Variants in SPATA3 observed in about 807,000 individuals in gnomAD.
SPATA3 encodes the protein spermatogenesis-associated protein 3.
Under a neutral mutation model 5.7 loss-of-function variants are expected in SPATA3, and 6 were observed. The ratio of observed to expected loss-of-function variants is 1.06; its 90% CI spans 0.58 to 2.09. The LOEUF (loss-of-function observed/expected upper bound fraction) is 2.09, where lower values mean the gene tolerates loss of function less well. Ranked by LOEUF, SPATA3 falls within the 30% of genes most tolerant of loss-of-function variation. The pLI is 0.00. For missense variants in SPATA3, 155 were observed against 130.4 expected (o/e 1.19, Z -0.92); for synonymous variants, 44 against 48.4 (o/e 0.91, Z 0.37).
rs148301790 is a variant in SPATA3 at position 231,000,979 on chromosome 2, G to A, written c.962+442G>A. ...GGTTCCTGATCTGCCTACGAATGTC[G>A]CCCAGAATTTAATGATAAAAAACTA... On this transcript the variant is annotated intron_variant, in intron 2 of 2. Transcript: ENST00000645363. Among the ~76,000 whole-genome samples, 123 of 152,258 alleles carry A rather than the reference G, an allele frequency of 8.1e-4. 1 individual carries two copies. In the East Asian group the frequency reaches 0.015, roughly 19 times the overall value.
At chr2:231,003,024 C>T (rs1210721495), downstream of SPATA3, among the ~76,000 whole-genome samples, 1 of 152,128 alleles carries the variant, frequency 6.6e-6, no homozygotes, top group East Asian at 1.9e-4. Context: ...GAGCCCCCAC[C>T]TCCTCTGCCC....
At chr2:231,004,895 A>C (rs961195086), downstream of SPATA3, among the ~76,000 whole-genome samples, 1 of 152,198 alleles carries the variant, frequency 6.6e-6, no homozygotes, top group Admixed American at 6.5e-5. Flanking sequence ...GCACAGGATA[A>C]GCACTCAACA....
chr2:231,006,018 GAA>G, downstream of SPATA3, among the ~76,000 whole-genome samples: 1 of 146,814 alleles, frequency 6.8e-6, no homozygotes, highest in African/African-American at 2.5e-5. Flanking sequence ...AAAAAAAAGA[GAA>G]AGAAGAAGAA....
chr2:231,013,432 A>T (rs1480768538), intron 5 of SPATA3, among the ~76,000 whole-genome samples: 1 of 152,096 alleles, frequency 6.6e-6, no homozygotes, highest in African/African-American at 2.4e-5. Context: ...TGAATATGCC[A>T]TAGCGTGTTT....
downstream of SPATA3, among the ~76,000 whole-genome samples, chr2:231,005,550 C>T (rs1277304185): frequency 7.2e-5 from 6 of 82,966 alleles, no homozygotes; most frequent in Admixed American, 1.2e-4. Flanking sequence ...ACCATCATCA[C>T]CACCACCATC....
intron 6 of SPATA3, among the ~76,000 whole-genome samples, chr2:231,019,254 C>A (rs1250803374): frequency 6.6e-6 from 1 of 151,576 alleles, no homozygotes; most frequent in Non-Finnish European, 1.5e-5. Flanking sequence ...CAGGAGTGAG[C>A]CACCGTGCCA....
intron 6 of SPATA3, among the ~76,000 whole-genome samples, chr2:231,018,901 G>A (rs962695312): frequency 7.9e-5 from 12 of 151,320 alleles, no homozygotes; most frequent in Admixed American, 1.3e-4. Context: ...GGCCGGGCTG[G>A]TCTTGAATTC....
chr2:231,005,136 C>A (rs111209794), downstream of SPATA3, among the ~76,000 whole-genome samples: 2 of 39,026 alleles, frequency 5.1e-5, no homozygotes, highest in Non-Finnish European at 1.1e-4. Context: ...ATCATCATCA[C>A]CACCACCACC....
downstream of SPATA3, among the ~76,000 whole-genome samples, chr2:231,005,497 C>A (rs1294470776): frequency 7.1e-6 from 1 of 141,140 alleles, no homozygotes. Context: ...CCATCACCAC[C>A]ATCATCACCA....
chr2:231,000,333 G>C, intron 1 of SPATA3, 33 bp from the exon 2 acceptor site: 2 of 1,423,946 alleles, frequency 1.4e-6, no homozygotes. Context: ...CAGGGCAGGT[G>C]CCTCCCTCAC....
chr2:231,000,694 G>A (rs576424475), intron 2 of SPATA3, among the ~76,000 whole-genome samples, 157 bp downstream of exon 2: 13 of 152,318 alleles, frequency 8.5e-5, no homozygotes, highest in East Asian at 7.7e-4. Flanking sequence ...CTTCCTGGAC[G>A]TTGGCAGGCA....
downstream of SPATA3, among the ~76,000 whole-genome samples, chr2:231,005,316 T>C (rs1205234094): frequency 5.8e-3 from 41 of 7,014 alleles, no homozygotes; most frequent in East Asian, 0.016. Context: ...ATCACCACCA[T>C]CATCATCACC....
chr2:230,999,404 T>G (rs186948191), intron 1 of SPATA3, among the ~76,000 whole-genome samples: 1 of 152,126 alleles, frequency 6.6e-6, no homozygotes, highest in Non-Finnish European at 1.5e-5. Context: ...ATTTAAAAAC[T>G]TTTTTGTAAT....
downstream of SPATA3, among the ~76,000 whole-genome samples, chr2:231,007,043 AGAAG>A (rs1392952788): frequency 6.6e-6 from 1 of 152,184 alleles, no homozygotes; most frequent in Admixed American, 6.5e-5. Context: ...TGTGGCTGAA[AGAAG>A]GAGTGGGTGC....
rs547911643 is a variant in SPATA3 at position 231,019,522 on chromosome 2, C to T, written c.*566-198C>T. 6.2e-4 allele frequency among the ~76,000 whole-genome samples: 93 copies of T among 150,444 alleles called. 2 individuals carry two copies. Among genetic ancestry groups the T allele is most frequent in the Admixed American group, 1.3e-3 (20 of 15,104 alleles). On this transcript the variant is annotated intron_variant, in intron 6 of 8. Coordinates refer to the SPATA3 transcript ENST00000452881. Reference sequence around the variant, plus strand: ...TGTATTTTTAGTAGAGATGGGGTTTCACCGTGTTAGCCGGGATGGTCTCGA... The same window carrying T: ...TGTATTTTTAGTAGAGATGGGGTTTTACCGTGTTAGCCGGGATGGTCTCGA...
downstream of SPATA3, among the ~76,000 whole-genome samples, chr2:231,005,334 C>CCAT (rs1692551480): frequency 3.6e-5 from 2 of 55,314 alleles, no homozygotes; most frequent in African/African-American, 1.3e-4. Context: ...ACCATCATCA[C>CCAT]CATCACCATC....
chr2:230,998,407 G>A (rs1692212318), intron 1 of SPATA3, among the ~76,000 whole-genome samples: 1 of 152,168 alleles, frequency 6.6e-6, no homozygotes, highest in African/African-American at 2.4e-5. Context: ...CTTCAGTACT[G>A]GTAGAAAGCA....
chr2:231,011,072 C>CAAAAAAAAAAAAAA (rs556496371), downstream of SPATA3, among the ~76,000 whole-genome samples: 31 of 79,796 alleles, frequency 3.9e-4, no homozygotes, highest in Middle Eastern at 7.4e-3. Flanking sequence ...GACCCTGTCT[C>CAAAAAAAAAAAAAA]AAAAAAAAAA....
At chr2:231,005,604 T>C (rs1490875281), downstream of SPATA3, among the ~76,000 whole-genome samples, 5 of 81,422 alleles carry the variant, frequency 6.1e-5, no homozygotes, top group East Asian at 3.5e-4. Flanking sequence ...ATCACCATCA[T>C]CACCATCATC....
Sources: allele counts gnomAD v4.1 joint callset (sites outside exome capture counted in the v4.1 genomes callset), GRCh38; gene constraint gnomAD v4.1.1; transcripts MANE v1.5; gene names NCBI Gene and HGNC (gene_info 2026-07-23, HGNC 2026-07-21).